Variants in PTPN21 observed in about 807,000 individuals in gnomAD.
The protein encoded by PTPN21 is protein tyrosine phosphatase non-receptor type 21.
Under a neutral mutation model 131.8 loss-of-function variants are expected in PTPN21, and 77 were observed. The observed-to-expected ratio is 0.58, with a 90% CI of 0.49 to 0.71. The LOEUF is 0.71. Ranked by LOEUF, PTPN21 falls within the 30% of genes least tolerant of loss-of-function variation. The probability of loss-of-function intolerance (pLI) is 0.00; values close to 1 mark genes in which losing one functional copy is unlikely to be tolerated. For missense variants in PTPN21, 1,552 were observed against 1,527.1 expected (o/e 1.02, Z -0.27); for synonymous variants, 715 against 621.3 (o/e 1.15, Z -2.24).
intron 2 of PTPN21, 43 bp downstream of exon 2, chr14:88,550,195 T>G (rs762820047): frequency 1.9e-6 from 3 of 1,578,860 alleles, no homozygotes; most frequent in African/African-American, 1.4e-5. Context: ...ATTACAGGCT[T>G]GAGCCACCCG....
At chr14:88,530,492 G>GATA (rs142504752) in intron 2 of PTPN21, among the ~76,000 whole-genome samples, 9,950 of 152,004 alleles carry the variant, frequency 0.065, 435 homozygotes, top group Non-Finnish European at 0.099. Context: ...ATACAGAATG[G>GATA]CAGAATGGAT....
chr14:88,477,513 G>C (rs751008826), intron 13 of PTPN21, among the ~76,000 whole-genome samples: 32 of 134,926 alleles, frequency 2.4e-4, no homozygotes, highest in Non-Finnish European at 4.1e-4. Context: ...AGTAGTTTTT[G>C]TCTATGTACA....
intron 2 of PTPN21, among the ~76,000 whole-genome samples, chr14:88,529,437 C>G (rs1014457100): frequency 2.0e-5 from 3 of 151,918 alleles, no homozygotes; most frequent in African/African-American, 7.3e-5. Context: ...TTTTTTGGAA[C>G]AAAGCCTCCA....
At chr14:88,543,843 T>A (rs1649318087) in intron 2 of PTPN21, among the ~76,000 whole-genome samples, 1 of 152,120 alleles carries the variant, frequency 6.6e-6, no homozygotes, top group South Asian at 2.1e-4. Context: ...AGTATTTAAC[T>A]CAACTTCAAA....
Position 88,469,801 on chromosome 14 carries a change from A to G in PTPN21, c.3001-68T>C. The stretch of plus-strand genomic sequence containing the variant: ...TGGATGCCTTTCTCACATAGACGGC[A>G]CATCTGAAACAGAACCACAACCCTA... On this transcript the variant is annotated intron_variant, in intron 16 of 18. Coordinates refer to ENST00000556564, the MANE Select transcript of PTPN21 (RefSeq NM_007039.4). This position sits in a 1 kb window ranked among gnomAD's most constrained non-coding sequence, Gnocchi z 4.3. 6.3e-7 allele frequency: 1 copy of G among 1,597,262 alleles called. No homozygotes were observed. Among genetic ancestry groups the G allele is most frequent in the Non-Finnish European group, 8.6e-7 (1 of 1,164,942 alleles).
intron 2 of PTPN21, among the ~76,000 whole-genome samples, chr14:88,531,521 C>T (rs1373389725): frequency 6.6e-6 from 1 of 152,108 alleles, no homozygotes; most frequent in African/African-American, 2.4e-5. Flanking sequence ...TGCGCCACTG[C>T]ACTCCAGCCT....
chr14:88,554,727 C>A lies in PTPN21; in HGVS notation c.-279G>T, dbSNP rs1014281294. 6.7e-6 allele frequency: 1 copy of A among 148,188 alleles called. No individual in the cohort carries two copies. The highest frequency in any genetic ancestry group is 2.4e-5 in the African/African-American group (1 of 40,996). The allele number at this position is 148,188 out of a possible 1,614,324, so 9.2% of individuals were successfully genotyped here. A position where few individuals can be genotyped will look rare whatever the true frequency, so the allele number is the denominator to read the frequency against. ...ACCCGCCTCCCGGGGCCCCGCCGCG[C>A]GGCCGCCGCAGCCGCACCCGCACGC... On this transcript the variant is annotated 5_prime_UTR_variant, in exon 1 of 19. Transcript: ENST00000556564.
At chr14:88,541,263 T>C (rs935240090) in intron 2 of PTPN21, among the ~76,000 whole-genome samples, 2 of 152,236 alleles carry the variant, frequency 1.3e-5, no homozygotes, top group African/African-American at 4.8e-5. Flanking sequence ...AAAACTTAAA[T>C]TGCCTCTGTA....
rs761047109 is a variant in PTPN21, at chr14:88,473,652, G to C, written c.2649+13C>G. The C allele has an allele frequency of 3.1e-6, 5 of 1,607,904 alleles. No homozygotes were observed. Among genetic ancestry groups the C allele is most frequent in the Non-Finnish European group, 4.2e-6 (5 of 1,178,592 alleles). ...CCAGAGAAGGCACAAAGCCCTGTGT[G>C]TCCCATACATACCCTTTCATCATTC... On this transcript the variant is annotated intron_variant, in intron 14 of 18. Transcript: ENST00000556564.
rs147433870 is a variant in PTPN21 at position 88,541,183 on chromosome 14, C to T, written c.180+9055G>A. 9.8e-5 allele frequency among the ~76,000 whole-genome samples: 15 copies of T among 152,316 alleles called. No individual in the cohort carries two copies. In the East Asian group the frequency reaches 2.7e-3, roughly 27 times the overall value. ...CCTTGATAGGAAGTTATTTCTACTA[C>T]ATGCTACCAATCCTCATGAAGGATT... On this transcript the variant is annotated intron_variant, in intron 2 of 18. Coordinates refer to ENST00000556564, the MANE Select transcript of PTPN21 (RefSeq NM_007039.4).
chr14:88,528,518 G>A (rs2078512040), intron 2 of PTPN21, among the ~76,000 whole-genome samples: 1 of 152,216 alleles, frequency 6.6e-6, no homozygotes, highest in East Asian at 1.9e-4. Flanking sequence ...AAACTTTACT[G>A]ATATGGTTTG....
At chr14:88,494,508 A>T (rs1392864503) in intron 10 of PTPN21, among the ~76,000 whole-genome samples, 1 of 151,996 alleles carries the variant, frequency 6.6e-6, no homozygotes, top group Admixed American at 6.6e-5. Flanking sequence ...CCTCTATAAA[A>T]AACACCAAAA....
intron 2 of PTPN21, among the ~76,000 whole-genome samples, chr14:88,535,023 C>A (rs952578245): frequency 6.6e-6 from 1 of 152,160 alleles, no homozygotes; most frequent in Non-Finnish European, 1.5e-5. Context: ...TCTGCAAGCG[C>A]CATTCACGGT....
intron 12 of PTPN21, among the ~76,000 whole-genome samples, chr14:88,481,368 T>A (rs2077650191): frequency 6.6e-6 from 1 of 152,180 alleles, no homozygotes; most frequent in African/African-American, 2.4e-5. Flanking sequence ...TCCTCATTTA[T>A]GCAAAGCTTG....
At chr14:88,478,844 G>T in intron 13 of PTPN21, 76 bp downstream of exon 13, 2 of 977,492 alleles carry the variant, frequency 2.0e-6, no homozygotes, top group Non-Finnish European at 2.8e-6. Context: ...TGAAAAACAC[G>T]GGACGTGATG....
At chr14:88,537,119 C>T (rs2078642397) in intron 2 of PTPN21, among the ~76,000 whole-genome samples, 1 of 152,160 alleles carries the variant, frequency 6.6e-6, no homozygotes, top group South Asian at 2.1e-4. Flanking sequence ...TCATTATACT[C>T]TATTACAACT....
intron 2 of PTPN21, among the ~76,000 whole-genome samples, chr14:88,528,458 G>GT (rs1566845621): frequency 6.6e-6 from 1 of 152,156 alleles, no homozygotes; most frequent in African/African-American, 2.4e-5. Context: ...CTTCATCACT[G>GT]TTTGTGTATA....
rs370657416 is a variant in PTPN21 at position 88,469,999 on chromosome 14, G to A, written c.2923C>T (p.Gln975Ter). ...TGCCAAAAATCTTGACAGGTATTCT[G>A]TAATGGTCCCTGTGTGGCAATATAA... ...WDYIATQGPLQNTCQDFWQMV... is the reference protein window; with the variant it reads ...WDYIATQGPL The change falls in exon 16 of 19, where the codon CAG (glutamine) becomes TAG (stop). Residue 975 changes from glutamine to a stop codon, truncating the protein, a stop_gained. Coordinates refer to ENST00000556564, the MANE Select transcript of PTPN21 (RefSeq NM_007039.4). LOFTEE classifies it high-confidence loss of function. This position sits in a 1 kb window ranked among gnomAD's most constrained non-coding sequence, Gnocchi z 4.3. 5.6e-6 allele frequency: 9 copies of A among 1,613,102 alleles called. No homozygotes were observed. Among genetic ancestry groups the A allele is most frequent in the Admixed American group, 1.7e-5 (1 of 60,006 alleles).
rs774612941 is a variant in PTPN21, at chr14:88,469,499, A to G, written c.3235T>C (p.Ser1079Pro). The change falls in exon 17 of 19, where the codon TCA (serine) becomes CCA (proline). Residue 1079 changes from serine to proline, a missense_variant and splice_region_variant. Physicochemically the swap from Ser to Pro is moderately conservative, Grantham distance 74. Transcript: ENST00000556564. The surrounding 1 kb of genome is among the most constrained non-coding windows in gnomAD (Gnocchi z 4.3). ...TCGGAACAAAGTTAAAGTCACTCAC[A>G]TAAAAATCCCTTGAGGTCTTCTGGA... ...GCPEDLKGFL[S>P]YLEEIQSVRR... 4 of 1,609,114 alleles carry G rather than the reference A, an allele frequency of 2.5e-6. No homozygotes were observed. In the East Asian group the frequency reaches 6.7e-5, roughly 27 times the overall value.
Sources: gnomAD v4.1 joint callset for allele counts (sites outside exome capture counted in the v4.1 genomes callset) on GRCh38, gnomAD v4.1.1 for gene constraint, Gnocchi (gnomAD v3.1) non-coding constraint, MANE v1.5 for transcripts, NCBI Gene and HGNC (gene_info 2026-07-23, HGNC 2026-07-21) for gene names.